PSMD4: variants seen among roughly 807,000 people sequenced by gnomAD.
The protein encoded by PSMD4 is 26S proteasome non-ATPase regulatory subunit 4.
PSMD4 carries 5 observed loss-of-function variants against 39.7 expected under a neutral mutation model. That is an observed-to-expected ratio of 0.13 (90% confidence interval 0.07 to 0.26). PSMD4 has a LOEUF of 0.26. Ranked by LOEUF, PSMD4 falls within the 10% of genes least tolerant of loss-of-function variation. The pLI is 1.00. For synonymous variants in PSMD4, 143 were observed against 174.6 expected, an observed-to-expected ratio of 0.82 and a Z score of 1.43; for missense variants, 272 against 486.1, an observed-to-expected ratio of 0.56 and a Z score of 4.14.
At chr1:151,255,520 A>G (rs1210513354) in intron 1 of PSMD4, among the ~76,000 whole-genome samples, 3 of 152,204 alleles carry the variant, frequency 2.0e-5, no homozygotes, top group Non-Finnish European at 4.4e-5. Context: ...GAGTCACATT[A>G]GAAGAGGAGG....
chr1:151,263,983 A>C lies in PSMD4; in HGVS notation c.237A>C (p.Gln79His). ...TCCTGTCCAAGCTACATACTGTCCA[A>C]CCCAAGGGCAAGATCACCTTCTGCA... ...GRILSKLHTV[Q>H]PKGKITFCTG... is the part of the protein sequence containing the mutation. The change falls in exon 3 of 10, where the codon CAA becomes CAC. Residue 79 changes from glutamine to histidine, a missense_variant. Gln to His is a conservative substitution (Grantham distance 24). Transcript: ENST00000368884. The C allele has an allele frequency of 6.2e-7, 1 of 1,605,250 alleles. No homozygotes were observed. Among genetic ancestry groups the C allele is most frequent in the South Asian group, 1.1e-5 (1 of 89,262 alleles).
At chr1:151,258,087 C>G (rs1386944784) in intron 1 of PSMD4, among the ~76,000 whole-genome samples, 2 of 150,020 alleles carry the variant, frequency 1.3e-5, no homozygotes, top group East Asian at 2.0e-4. Flanking sequence ...GCAGTGGCGC[C>G]ATCTCGGCTC....
Position 151,266,060 on chromosome 1 carries a change from G to T in PSMD4, c.711G>T (p.Arg237=). Residue 237 remains arginine, a synonymous_variant, in exon 7 of 10, where the codon CGG becomes CGT. Coordinates refer to ENST00000368884, the MANE Select transcript of PSMD4 (RefSeq NM_002810.4). ...QRQRQEEEAR[R]AAAASAAEAG... is the part of the protein sequence containing the mutation. ...AGCGGCAGGAGGAGGAGGCCCGGCG[G>T]GCAGCTGCAGCTTCTGCTGCTGAGG... The T allele has an allele frequency of 6.2e-7, 1 of 1,607,248 alleles. No homozygotes were observed. Among genetic ancestry groups the T allele is most frequent in the Non-Finnish European group, 8.5e-7 (1 of 1,176,784 alleles).
chr1:151,265,636 G>GT (rs1693414936), intron 6 of PSMD4, 27 bp downstream of exon 6: 1 of 1,602,818 alleles, frequency 6.2e-7, no homozygotes, highest in South Asian at 1.1e-5. Context: ...CCCAGGTAGA[G>GT]TCCAAAGGTC....
chr1:151,265,660 T>G (rs1168872072), intron 6 of PSMD4, 51 bp downstream of exon 6: 3 of 1,561,154 alleles, frequency 1.9e-6, no homozygotes, highest in Non-Finnish European at 2.6e-6. Flanking sequence ...CTTTGTTCTC[T>G]TCTGGCACAC....
chr1:151,265,380 T>G lies in PSMD4; in HGVS notation c.439-14T>G. 6.2e-7 allele frequency: 1 copy of G among 1,613,712 alleles called. No individual in the cohort carries two copies. The highest frequency in any genetic ancestry group is 8.5e-7 in the Non-Finnish European group (1 of 1,179,618). Reference sequence around the variant, plus strand: ...AGGCCTGAAGAAGGGCATCATGTGTTCTTTCCTCCCCAGGAGGTGAACACA... The same window carrying G: ...AGGCCTGAAGAAGGGCATCATGTGTGCTTTCCTCCCCAGGAGGTGAACACA... On this transcript the variant is annotated splice_polypyrimidine_tract_variant and intron_variant, in intron 5 of 9. Transcript: ENST00000368884.
chr1:151,264,827 A>G lies in PSMD4; in HGVS notation c.283-5A>G. ...AACTCTGAGAACTTCCTCTCCCTTT[A>G]CAAGCTGGCTCTGAAGCACCGACAA... On this transcript the variant is annotated splice_polypyrimidine_tract_variant and splice_region_variant and intron_variant, in intron 3 of 9. Coordinates refer to ENST00000368884, the MANE Select transcript of PSMD4 (RefSeq NM_002810.4). The G allele has an allele frequency of 1.2e-6, 2 of 1,608,516 alleles. No homozygotes were observed. The highest frequency in any genetic ancestry group is 1.7e-6 in the Non-Finnish European group (2 of 1,175,314).
chr1:151,264,794 C>A, intron 3 of PSMD4, 38 bp from the exon 4 acceptor site: 1 of 1,514,038 alleles, frequency 6.6e-7, no homozygotes, highest in South Asian at 1.1e-5. Flanking sequence ...TGAGTGATTC[C>A]TCTGGTTAAC....
intron 4 of PSMD4, 83 bp downstream of exon 4, chr1:151,265,001 G>A: frequency 7.2e-7 from 1 of 1,391,064 alleles, no homozygotes; most frequent in Non-Finnish European, 1.0e-6. Flanking sequence ...ACCTGGCAGA[G>A]GCATCAGGCT....
In PSMD4 at chr1:151,265,202, G is replaced by A. The variant is rs975878547; in HGVS notation, c.406G>A (p.Val136Ile). 2 of 1,613,474 alleles carry A rather than the reference G, an allele frequency of 1.2e-6. No individual in the cohort carries two copies. The highest frequency in any genetic ancestry group is 1.3e-5 in the African/African-American group (1 of 74,892). Residue 136 changes from valine (V) to isoleucine (I), a missense_variant, in exon 5 of 10, where the codon GTA (valine) becomes ATA (isoleucine). Coordinates refer to ENST00000368884, the MANE Select transcript of PSMD4 (RefSeq NM_002810.4). Reference protein sequence around the residue: ...KLAKRLKKEKVNVDIINFGEE... With the variant: ...KLAKRLKKEKINVDIINFGEE... ...GGCTAAACGCCTCAAGAAGGAGAAAGTAAATGTTGACATTATCAATTTTGG... is the reference window on the plus strand; with the variant it reads ...GGCTAAACGCCTCAAGAAGGAGAAAATAAATGTTGACATTATCAATTTTGG...
chr1:151,261,261 C>G (rs142214429), intron 1 of PSMD4, among the ~76,000 whole-genome samples: 2 of 150,502 alleles, frequency 1.3e-5, no homozygotes, highest in African/African-American at 4.9e-5. Context: ...CCACAACCTC[C>G]GTCTCCTGGG....
At chr1:151,263,835 T>C (rs1246861284) in intron 2 of PSMD4, 79 bp from the exon 3 acceptor site, 1 of 1,024,630 alleles carries the variant, frequency 9.8e-7, no homozygotes, top group African/African-American at 1.6e-5. Context: ...GTCTAAAAAA[T>C]AAATAAATAA....
rs1491378808 is a variant in PSMD4 at position 151,256,364 on chromosome 1, A to AAT, written c.26+1557_26+1558insTA. 1.0e-3 allele frequency among the ~76,000 whole-genome samples: 46 copies of AAT among 45,638 alleles called. 1 individual carries two copies. The highest frequency in any genetic ancestry group is 1.3e-3 in the African/African-American group (11 of 8,268). The allele number at this position is 45,638 out of a possible 152,430, so 29.9% of individuals were successfully genotyped here. On this transcript the variant is annotated intron_variant, in intron 1 of 9. Coordinates refer to ENST00000368884, the MANE Select transcript of PSMD4 (RefSeq NM_002810.4). Reference sequence around the variant, plus strand: ...CTCTCAAAAAAAAAAAAATAATAATAAAATAAATAAATAAATAAATAAATA... The same window carrying AAT: ...CTCTCAAAAAAAAAAAAATAATAATAATAAATAAATAAATAAATAAATAAATA...
intron 1 of PSMD4, among the ~76,000 whole-genome samples, chr1:151,260,626 C>T (rs968484627): frequency 6.6e-6 from 1 of 152,100 alleles, no homozygotes; most frequent in Non-Finnish European, 1.5e-5. Context: ...GCCTCCACCT[C>T]TCAGGTTCAG....
At chr1:151,256,204 C>A (rs587664870) in intron 1 of PSMD4, among the ~76,000 whole-genome samples, 1 of 150,908 alleles carries the variant, frequency 6.6e-6, no homozygotes, top group South Asian at 2.1e-4. Context: ...ATTAGCCAGG[C>A]GTGGTGGTGG....
intron 7 of PSMD4, 93 bp downstream of exon 7, chr1:151,266,205 CAG>C (rs1693446498): frequency 1.3e-6 from 2 of 1,593,630 alleles, no homozygotes; most frequent in African/African-American, 1.3e-5. Context: ...GGAGGTCTGA[CAG>C]GGTAGGAATA....
intron 1 of PSMD4, among the ~76,000 whole-genome samples, chr1:151,257,922 A>T (rs587646491): frequency 6.6e-6 from 1 of 150,994 alleles, no homozygotes; most frequent in South Asian, 2.1e-4. Flanking sequence ...ATGTTTTTCC[A>T]CTTGTTTATA....
rs748237858 is a variant in PSMD4, at chr1:151,263,947, C to G, written c.201C>G (p.Asp67Glu). ...AAGTGCTGACCACACTCACCCCAGA[C>G]ACTGGCCGTATCCTGTCCAAGCTAC... Reference protein sequence around the residue: ...DCEVLTTLTPDTGRILSKLHT... With the variant: ...DCEVLTTLTPETGRILSKLHT... The change falls in exon 3 of 10, where the codon GAC (aspartate) becomes GAG (glutamate). Residue 67 changes from aspartate to glutamate, a missense_variant. Physicochemically the swap from Asp to Glu is conservative, Grantham distance 45. This residue lies in a region of PSMD4 where 153 missense variants were observed against 257.6 expected (regional missense o/e 0.59). Transcript: ENST00000368884. 4 of 1,598,438 alleles carry G rather than the reference C, an allele frequency of 2.5e-6. No homozygotes were observed. Among genetic ancestry groups the G allele is most frequent in the Admixed American group, 3.4e-5 (2 of 58,070 alleles).
intron 2 of PSMD4, 22 bp downstream of exon 2, chr1:151,262,323 G>T (rs756904668): frequency 1.2e-6 from 2 of 1,614,084 alleles, no homozygotes; most frequent in Admixed American, 3.3e-5. Flanking sequence ...AGAGGAGGAG[G>T]GGACTCAGTA....
Sources: allele counts gnomAD v4.1 joint callset (sites outside exome capture counted in the v4.1 genomes callset), GRCh38; gene constraint gnomAD v4.1.1; regional missense constraint gnomAD v4.1.1; transcripts MANE v1.5; gene names NCBI Gene and HGNC (gene_info 2026-07-23, HGNC 2026-07-21).